The following PCDHGB1 variants were observed in gnomAD, a reference collection of about 807,000 sequenced individuals.
PCDHGB1 encodes the protein protocadherin gamma subfamily B, 1.
PCDHGB1 carries 34 observed loss-of-function variants against 56.6 expected under a neutral mutation model. The observed-to-expected ratio is 0.60, with a 90% CI of 0.46 to 0.80. The LOEUF is 0.80. PCDHGB1 is among the 30% of genes least tolerant of loss of function. The pLI, the probability that PCDHGB1 is intolerant of heterozygous loss-of-function variation, is 0.00. For synonymous variants in PCDHGB1, 561 were observed against 505.9 expected, an observed-to-expected ratio of 1.11 and a Z score of -1.46; for missense variants, 1,278 against 1,204.6, an observed-to-expected ratio of 1.06 and a Z score of -0.90.
At chr5:141,371,418 G>C (rs761627230) in intron 1 of PCDHGB1, 9 of 1,614,006 alleles carry the variant, frequency 5.6e-6, no homozygotes, top group Middle Eastern at 1.6e-4. Context: ...AGATGAAAAT[G>C]ACAATGCCCC....
rs10076145 is a variant in PCDHGB1 at position 141,353,622 on chromosome 5, T to C, written c.2409+953T>C. On this transcript the variant is annotated intron_variant, in intron 1 of 3. Coordinates refer to ENST00000523390, the MANE Select transcript of PCDHGB1 (RefSeq NM_018922.3). ...CTTAACCATTCCTAAATTATTTGTT[T>C]TTATGCTCTTTCTATTTTGTCTCTA... 4.3e-3 allele frequency among the ~76,000 whole-genome samples: 653 copies of C among 152,362 alleles called. 8 individuals carry two copies. Among genetic ancestry groups the C allele is most frequent in the African/African-American group, 0.015 (619 of 41,588 alleles).
At chr5:141,495,015 G>C in intron 2 of PCDHGB1, 150 bp downstream of exon 2, 2 of 1,507,428 alleles carry the variant, frequency 1.3e-6, no homozygotes, top group East Asian at 4.9e-5. Flanking sequence ...CGGGGGGCTG[G>C]CACACAGACC....
Position 141,351,507 on chromosome 5 carries a change from T to A in PCDHGB1, c.1247T>A (p.Val416Asp). 2.5e-6 allele frequency: 4 copies of A among 1,613,950 alleles called. No individual in the cohort carries two copies. Among genetic ancestry groups the A allele is most frequent in the Non-Finnish European group, 3.4e-6 (4 of 1,179,880 alleles). ...CGGGAGCAGACAGCAGACTACAACG[T>A]CACAATCATAGCCACCGACAAGGGC... ...LNREQTADYN[V>D]TIIATDKGKP... Residue 416 changes from valine (V) to aspartate (D), a missense_variant, in exon 1 of 4, where the codon GTC (valine) becomes GAC (aspartate). Physicochemically the swap from Val to Asp is radical, Grantham distance 152. Coordinates refer to ENST00000523390, the MANE Select transcript of PCDHGB1 (RefSeq NM_018922.3).
In PCDHGB1 at chr5:141,418,814, A is replaced by G. The variant is rs2096290321; in HGVS notation, c.2409+66145A>G. ...AGAAGTAGAAAGATATACGATAAACATAGAAGCAAAAGACCGAGGATCTCT... is the reference window on the plus strand; with the variant it reads ...AGAAGTAGAAAGATATACGATAAACGTAGAAGCAAAAGACCGAGGATCTCT... On this transcript the variant is annotated intron_variant, in intron 1 of 3. Transcript: ENST00000523390. The G allele has an allele frequency of 6.2e-7, 1 of 1,613,962 alleles. No individual in the cohort carries two copies.
At chr5:141,371,942 G>T (rs902262957) in intron 1 of PCDHGB1, 1 of 1,613,292 alleles carries the variant, frequency 6.2e-7, no homozygotes, top group Non-Finnish European at 8.5e-7. Context: ...TGGTGTTCGC[G>T]CAGCGAGCCT....
chr5:141,420,840 TC>T (rs1453160032), intron 1 of PCDHGB1, among the ~76,000 whole-genome samples: 1 of 152,250 alleles, frequency 6.6e-6, no homozygotes, highest in Admixed American at 6.5e-5. Flanking sequence ...TCGCAGGTGT[TC>T]TTGGTAAAGT....
chr5:141,414,855 C>G, intron 1 of PCDHGB1: 1 of 1,614,238 alleles, frequency 6.2e-7, no homozygotes, highest in South Asian at 1.1e-5. Flanking sequence ...TGGACCAGAA[C>G]GACAATGCGC....
At chr5:141,464,300 A>T (rs1349155102) in intron 1 of PCDHGB1, among the ~76,000 whole-genome samples, 2 of 149,898 alleles carry the variant, frequency 1.3e-5, no homozygotes, top group African/African-American at 4.9e-5. Flanking sequence ...ACTCCATTGT[A>T]TGTGCACATA....
At chr5:141,403,546 C>A (rs62378450) in intron 1 of PCDHGB1, 1 of 1,613,984 alleles carries the variant, frequency 6.2e-7, no homozygotes, top group South Asian at 1.1e-5. Flanking sequence ...TGCTGGAGCG[C>A]GCCCTGGACA....
At position 141,351,965 on chromosome 5, in the gene PCDHGB1, G is replaced by A; in HGVS notation, c.1705G>A (p.Ala569Thr). Reference sequence around the variant, plus strand: ...CCCCGCGCTGGGGCCTGATGGCTCCGCCCTCTTCGATATGGTGCCACGCGC... The same window carrying A: ...CCCCGCGCTGGGGCCTGATGGCTCCACCCTCTTCGATATGGTGCCACGCGC... Reference protein sequence around the residue: ...LYPALGPDGSALFDMVPRAAE... With the variant: ...LYPALGPDGSTLFDMVPRAAE... Residue 569 changes from alanine to threonine, a missense_variant, in exon 1 of 4, where the codon GCC becomes ACC. Coordinates refer to ENST00000523390, the MANE Select transcript of PCDHGB1 (RefSeq NM_018922.3). 1 of 1,612,664 alleles carries A rather than the reference G, an allele frequency of 6.2e-7. No individual in the cohort carries two copies. The highest frequency in any genetic ancestry group is 8.5e-7 in the Non-Finnish European group (1 of 1,179,708).
At chr5:141,427,958 G>A (rs1266312663) in intron 1 of PCDHGB1, 3 of 1,588,290 alleles carry the variant, frequency 1.9e-6, no homozygotes, top group Admixed American at 1.7e-5. Context: ...ACAATGTGCC[G>A]CGGGTGCTGT....
intron 1 of PCDHGB1, chr5:141,379,151 G>A (rs1015357697): frequency 4.6e-5 from 7 of 152,166 alleles, no homozygotes; most frequent in Admixed American, 6.5e-5. Flanking sequence ...TTTGTAACCT[G>A]ACTTTGTCAG....
chr5:141,407,981 C>G, intron 1 of PCDHGB1: 4 of 770,010 alleles, frequency 5.2e-6, no homozygotes, highest in Non-Finnish European at 7.8e-6. Flanking sequence ...GCCGGGGATC[C>G]GTCAGCCTCT....
chr5:141,393,304 T>A, intron 1 of PCDHGB1: 1 of 1,613,798 alleles, frequency 6.2e-7, no homozygotes, highest in African/African-American at 1.3e-5. Flanking sequence ...GATGTGGGCG[T>A]GAACTCCCTC....
intron 1 of PCDHGB1, chr5:141,365,047 G>A (rs1436850571): frequency 2.5e-6 from 4 of 1,613,804 alleles, no homozygotes; most frequent in Non-Finnish European, 3.4e-6. Flanking sequence ...ACGACAATGC[G>A]CCCCTGTTCA....
chr5:141,487,684 C>G lies in PCDHGB1; in HGVS notation c.2410-7123C>G. On this transcript the variant is annotated intron_variant, in intron 1 of 3. Coordinates refer to ENST00000523390, the MANE Select transcript of PCDHGB1 (RefSeq NM_018922.3). The surrounding 1 kb of genome is among the most constrained non-coding windows in gnomAD (Gnocchi z 5.0). ...ATCCAGGCATATGGCTAGGCCATGT[C>G]CTAGAGAGTACTGGCCTCTCAGTAA... is the stretch of plus-strand genomic sequence containing the variant. The G allele has an allele frequency of 6.2e-7, 1 of 1,607,562 alleles. No individual in the cohort carries two copies. Among genetic ancestry groups the G allele is most frequent in the East Asian group, 2.2e-5 (1 of 44,768 alleles).
intron 1 of PCDHGB1, chr5:141,385,190 G>C (rs899564761): frequency 3.7e-6 from 6 of 1,614,166 alleles, no homozygotes; most frequent in Non-Finnish European, 5.1e-6. Context: ...GCGGACTCTC[G>C]GAAGAGTCAC....
chr5:141,430,337 C>G (rs531455580), intron 1 of PCDHGB1, among the ~76,000 whole-genome samples: 1 of 150,908 alleles, frequency 6.6e-6, no homozygotes, highest in East Asian at 2.0e-4. Context: ...TTTATAGAAA[C>G]TTCCAATTCA....
At chr5:141,371,891 G>A (rs771271665) in intron 1 of PCDHGB1, 3 of 1,613,446 alleles carry the variant, frequency 1.9e-6, no homozygotes, top group Non-Finnish European at 2.5e-6. Flanking sequence ...TGGAGCCGCG[G>A]GAGCTGTCGT....
Sources: allele counts gnomAD v4.1 joint callset (sites outside exome capture counted in the v4.1 genomes callset), GRCh38; gene constraint gnomAD v4.1.1; non-coding constraint Gnocchi (gnomAD v3.1); transcripts MANE v1.5; gene names NCBI Gene and HGNC (gene_info 2026-07-23, HGNC 2026-07-21).